Variants in NAV3 observed in about 807,000 individuals in gnomAD.
The protein encoded by NAV3 is neuron navigator 3.
A neutral mutation model predicts 244.7 loss-of-function variants in NAV3; 87 were observed. The observed-to-expected ratio is 0.36, with a 90% confidence interval of 0.30 to 0.42. The LOEUF (loss-of-function observed/expected upper bound fraction) is 0.42, where lower values mean the gene tolerates loss of function less well. Ranked by LOEUF, NAV3 falls within the 20% of genes least tolerant of loss-of-function variation. The probability of loss-of-function intolerance (pLI) is 1.00; values close to 1 mark genes in which losing one functional copy is unlikely to be tolerated. For synonymous variants in NAV3, 1,126 were observed against 1,042.2 expected (o/e 1.08, Z -1.55); for missense variants, 2,663 against 2,893.3 (o/e 0.92, Z 1.83).
intron 12 of NAV3, among the ~76,000 whole-genome samples, chr12:78,112,481 T>A (rs534778838): frequency 3.3e-5 from 5 of 152,132 alleles, no homozygotes; most frequent in African/African-American, 1.2e-4. Context: ...CTAAGGAAAG[T>A]TATAATCATG....
intron 2 of NAV3, among the ~76,000 whole-genome samples, chr12:77,759,536 G>A (rs1254769317): frequency 1.3e-5 from 2 of 152,156 alleles, no homozygotes; most frequent in African/African-American, 4.8e-5. Context: ...TTTAAATATT[G>A]TCCTCCGATG....
chr12:77,799,074 C>T (rs1871569837), intron 2 of NAV3, among the ~76,000 whole-genome samples: 2 of 152,244 alleles, frequency 1.3e-5, no homozygotes, highest in Admixed American at 1.3e-4. Context: ...CTCAGTTGGG[C>T]CACATGTCTA....
chr12:78,149,035 T>A, intron 22 of NAV3, 116 bp downstream of exon 22: 1 of 804,142 alleles, frequency 1.2e-6, no homozygotes, highest in Non-Finnish European at 2.0e-6. Context: ...GATTACCAAC[T>A]AGCAGGACTC....
chr12:77,977,712 G>GCGCACACACACA (rs1349366739), intron 5 of NAV3, among the ~76,000 whole-genome samples: 4 of 143,084 alleles, frequency 2.8e-5, no homozygotes, highest in South Asian at 2.2e-4. Flanking sequence ...ACACACACGC[G>GCGCACACACACA]CACACACACA....
chr12:77,591,988 G>A (rs961759472), intron 2 of NAV3, among the ~76,000 whole-genome samples: 3 of 152,144 alleles, frequency 2.0e-5, no homozygotes, highest in Non-Finnish European at 4.4e-5. Flanking sequence ...GAATTCAATG[G>A]TAGGTTGCTT....
At chr12:77,847,039 G>C (rs547933499) in intron 1 of NAV3, among the ~76,000 whole-genome samples, 1 of 152,060 alleles carries the variant, frequency 6.6e-6, no homozygotes, top group East Asian at 1.9e-4. Context: ...GTACTGCAGT[G>C]AATTTGTTTT....
chr12:78,051,792 G>T (rs555994734), intron 11 of NAV3, among the ~76,000 whole-genome samples: 1 of 152,322 alleles, frequency 6.6e-6, no homozygotes, highest in African/African-American at 2.4e-5. Flanking sequence ...GGAGGCAATA[G>T]GATATTCTAT....
chr12:77,999,193 C>A (rs1315284967), intron 7 of NAV3, among the ~76,000 whole-genome samples: 4 of 152,180 alleles, frequency 2.6e-5, no homozygotes, highest in African/African-American at 9.7e-5. Context: ...GTAGTTTACA[C>A]CTCAATCATG....
At chr12:78,010,498 C>T (rs1387114709) in intron 8 of NAV3, among the ~76,000 whole-genome samples, 1 of 152,052 alleles carries the variant, frequency 6.6e-6, no homozygotes, top group Non-Finnish European at 1.5e-5. Flanking sequence ...ATGTCATCCC[C>T]CATTTTCCAG....
chr12:78,120,984 G>A (rs886162372), intron 15 of NAV3, among the ~76,000 whole-genome samples: 26 of 152,230 alleles, frequency 1.7e-4, no homozygotes, highest in African/African-American at 5.8e-4. Flanking sequence ...TTAAAATACT[G>A]ATTCTCATTG....
chr12:77,920,472 T>C (rs1439619959), intron 1 of NAV3, among the ~76,000 whole-genome samples: 1 of 151,980 alleles, frequency 6.6e-6, no homozygotes, highest in Non-Finnish European at 1.5e-5. Context: ...ATGAATTAAG[T>C]CCTATCTGAC....
In NAV3 at chr12:77,749,423, A is replaced by G. The variant is rs564269126; in HGVS notation, c.72+177157A>G. The stretch of plus-strand genomic sequence containing the variant: ...TATAAAAGATGTTACAGATGAGAAA[A>G]AGATGAAAATGAGTATTAATATGAT... On this transcript the variant is annotated intron_variant, in intron 2 of 8. Transcript: ENST00000550042. Among the ~76,000 whole-genome samples the G allele has an allele frequency of 2.0e-5, 3 of 152,328 alleles. No individual in the cohort carries two copies. In the East Asian group the frequency reaches 5.8e-4, roughly 29 times the overall value.
At chr12:77,702,068 AATG>A (rs1483713939) in intron 2 of NAV3, among the ~76,000 whole-genome samples, 1 of 151,836 alleles carries the variant, frequency 6.6e-6, no homozygotes, top group East Asian at 1.9e-4. Context: ...TAATATCTCC[AATG>A]ATAATTGTGA....
chr12:77,841,234 C>G (rs1875586567), intron 1 of NAV3, among the ~76,000 whole-genome samples: 1 of 152,132 alleles, frequency 6.6e-6, no homozygotes, highest in Non-Finnish European at 1.5e-5. Flanking sequence ...GTAACATTTT[C>G]CCAGTATAAC....
intron 2 of NAV3, among the ~76,000 whole-genome samples, chr12:77,817,572 A>G (rs1195621086): frequency 1.3e-5 from 2 of 152,116 alleles, no homozygotes; most frequent in African/African-American, 4.8e-5. Flanking sequence ...GCAAATGTTA[A>G]CTTCACCTGA....
At chr12:77,982,277 T>C (rs1263569389) in intron 5 of NAV3, among the ~76,000 whole-genome samples, 1 of 127,184 alleles carries the variant, frequency 7.9e-6, no homozygotes, top group Non-Finnish European at 1.8e-5. Flanking sequence ...CGTGTGTTCT[T>C]TTCCACTGGT....
chr12:77,882,042 G>A lies in NAV3; in HGVS notation c.243+50338G>A, dbSNP rs192814995. Among the ~76,000 whole-genome samples, 82 of 152,014 alleles carry A rather than the reference G, an allele frequency of 5.4e-4. 1 individual carries two copies. The highest frequency in any genetic ancestry group is 1.9e-3 in the African/African-American group (78 of 41,468). ...TGCAATGCTATTCCTATCAGACTAC[G>A]AATGGAATTTTTCATAGAATTAGAA... is the stretch of plus-strand genomic sequence containing the variant. On this transcript the variant is annotated intron_variant, in intron 1 of 39. Transcript: ENST00000397909.
chr12:78,104,924 T>C (rs893063746), intron 12 of NAV3, among the ~76,000 whole-genome samples: 8 of 152,296 alleles, frequency 5.3e-5, no homozygotes, highest in Non-Finnish European at 1.2e-4. Context: ...GCTCAATCTT[T>C]TTAATTGTTA....
At chr12:77,919,748 A>G (rs909006404) in intron 1 of NAV3, among the ~76,000 whole-genome samples, 1 of 152,144 alleles carries the variant, frequency 6.6e-6, no homozygotes, top group East Asian at 1.9e-4. Context: ...GTCTGCATGT[A>G]CACTGCTCTC....
Sources: allele counts gnomAD v4.1 joint callset (sites outside exome capture counted in the v4.1 genomes callset), GRCh38; gene constraint gnomAD v4.1.1; transcripts MANE v1.5; gene names NCBI Gene and HGNC (gene_info 2026-07-23, HGNC 2026-07-21).